The following ATP11B variants were observed in gnomAD, a reference collection of about 807,000 sequenced individuals.
The protein encoded by ATP11B is phospholipid-transporting ATPase IF.
A neutral mutation model predicts 157.8 loss-of-function variants in ATP11B; 81 were observed. The observed-to-expected ratio is 0.51, with a 90% confidence interval of 0.43 to 0.62. The LOEUF (loss-of-function observed/expected upper bound fraction) is 0.62, where lower values mean the gene tolerates loss of function less well. Ranked by LOEUF, ATP11B falls within the 20% of genes least tolerant of loss-of-function variation. The probability of loss-of-function intolerance (pLI) is 0.00; values close to 1 mark genes in which losing one functional copy is unlikely to be tolerated. For synonymous variants in ATP11B, 451 were observed against 469.4 expected (o/e 0.96, Z 0.51); for missense variants, 1,165 against 1,402.2 (o/e 0.83, Z 2.70).
intron 17 of ATP11B, 152 bp downstream of exon 17, chr3:182,869,483 C>CT (rs1721490410): frequency 1.8e-6 from 1 of 565,342 alleles, no homozygotes; most frequent in Non-Finnish European, 3.0e-6. Context: ...TGAAAACTGA[C>CT]TTTTAACGCA....
chr3:182,827,983 A>T, intron 2 of ATP11B, 137 bp from the exon 3 acceptor site: 1 of 369,074 alleles, frequency 2.7e-6, no homozygotes, highest in East Asian at 4.0e-5. Flanking sequence ...TAAAAGCCAG[A>T]TGGTTTCTGT....
intron 12 of ATP11B, among the ~76,000 whole-genome samples, chr3:182,865,245 T>C (rs534155170): frequency 5.9e-5 from 9 of 152,334 alleles, no homozygotes; most frequent in African/African-American, 2.2e-4. Context: ...TCAAAATCTA[T>C]GTAGCTTTAA....
At chr3:182,819,848 A>G (rs772881603) in intron 1 of ATP11B, among the ~76,000 whole-genome samples, 2 of 152,222 alleles carry the variant, frequency 1.3e-5, no homozygotes, top group Non-Finnish European at 2.9e-5. Context: ...AAATCCATCC[A>G]TAGAAATGAA....
Position 182,879,556 on chromosome 3 carries a change from T to G in ATP11B, c.2313T>G (p.Leu771=), listed in dbSNP as rs1180060073. The G allele has an allele frequency of 1.2e-6, 2 of 1,614,032 alleles. No homozygotes were observed. The highest frequency in any genetic ancestry group is 2.7e-5 in the African/African-American group (2 of 74,944). Residue 771 remains leucine, a synonymous_variant, in exon 20 of 30, where the codon CTT becomes CTG. Coordinates refer to ENST00000323116, the MANE Select transcript of ATP11B (RefSeq NM_014616.3). The part of the protein sequence containing the change: ...GLVVDGTSLS[L]ALREHEKLFM... ...TAGTGGATGGGACCAGCCTATCTCT[T>G]GCACTCAGGGAGCATGAAAAACTAT...
intron 25 of ATP11B, among the ~76,000 whole-genome samples, chr3:182,892,811 A>G (rs1723264401): frequency 6.6e-6 from 1 of 152,166 alleles, no homozygotes; most frequent in Non-Finnish European, 1.5e-5. Context: ...AGTTCCTGTC[A>G]TGTGTGTCTC....
intron 4 of ATP11B, among the ~76,000 whole-genome samples, chr3:182,831,349 A>G (rs1718124957): frequency 1.3e-5 from 2 of 152,216 alleles, no homozygotes; most frequent in Non-Finnish European, 2.9e-5. Flanking sequence ...TGTCTGGACA[A>G]TTGCATTCTT....
rs1271290166 is a variant in ATP11B, at chr3:182,872,539, T to G, written c.2048+2T>G. 6.3e-7 allele frequency: 1 copy of G among 1,593,540 alleles called. No homozygotes were observed. The highest frequency in any genetic ancestry group is 8.5e-7 in the Non-Finnish European group (1 of 1,172,450). ...TGGAGCCACAGCAGTAGAAGACAGGTAAGTATCAGATAATTAAAAAATATT... is the reference window on the plus strand; with the variant it reads ...TGGAGCCACAGCAGTAGAAGACAGGGAAGTATCAGATAATTAAAAAATATT... On this transcript the variant is annotated splice_donor_variant, in intron 18 of 29. Coordinates refer to ENST00000323116, the MANE Select transcript of ATP11B (RefSeq NM_014616.3). LOFTEE classifies it high-confidence loss of function.
chr3:182,817,463 T>C (rs1405219149), intron 1 of ATP11B, among the ~76,000 whole-genome samples: 2 of 152,142 alleles, frequency 1.3e-5, no homozygotes, highest in African/African-American at 2.4e-5. Flanking sequence ...TAATTTTTAG[T>C]AGAGACGGAG....
intron 19 of ATP11B, among the ~76,000 whole-genome samples, chr3:182,878,570 G>A (rs540176378): frequency 3.9e-4 from 59 of 152,354 alleles, no homozygotes; most frequent in Non-Finnish European, 8.2e-4. Context: ...ACATTCTGGT[G>A]TAGGCTCCTT....
intron 15 of ATP11B, 31 bp downstream of exon 15, chr3:182,867,475 C>G (rs770730592): frequency 7.0e-7 from 1 of 1,419,486 alleles, no homozygotes; most frequent in East Asian, 2.3e-5. Flanking sequence ...GGAATGTTTT[C>G]TGTGTTAAGT....
chr3:182,845,084 AAC>A (rs1719399083), intron 8 of ATP11B, among the ~76,000 whole-genome samples: 1 of 149,498 alleles, frequency 6.7e-6, no homozygotes, highest in African/African-American at 2.5e-5. Context: ...GGCTCACTGC[AAC>A]CTCCGCCTCC....
At position 182,793,803 on chromosome 3, in the gene ATP11B, C is replaced by A; in HGVS notation, c.27+17C>A. 7.3e-7 allele frequency: 1 copy of A among 1,364,770 alleles called. No homozygotes were observed. Among genetic ancestry groups the A allele is most frequent in the Non-Finnish European group, 9.5e-7 (1 of 1,050,858 alleles). 84.5% of individuals were successfully genotyped at this position (1,364,770 alleles called of 1,614,324 possible). On this transcript the variant is annotated intron_variant, in intron 1 of 29. Transcript: ENST00000323116. Reference sequence around the variant, plus strand: ...CAGCAGCTGGTAGGTGCCCCCGCCCCTCCACCTCCATTCGTCCGCCCCCGC... The same window carrying A: ...CAGCAGCTGGTAGGTGCCCCCGCCCATCCACCTCCATTCGTCCGCCCCCGC...
rs1239216672 is a variant in ATP11B at position 182,901,416 on chromosome 3, G to C, written c.3318+2644G>C. Among the ~76,000 whole-genome samples, 3 of 151,026 alleles carry C rather than the reference G, an allele frequency of 2.0e-5. No individual in the cohort carries two copies. In the East Asian group the frequency reaches 5.8e-4, roughly 29 times the overall value. On this transcript the variant is annotated intron_variant, in intron 28 of 29. Coordinates refer to ENST00000323116, the MANE Select transcript of ATP11B (RefSeq NM_014616.3). The stretch of plus-strand genomic sequence containing the variant: ...AGGTTCAGTATCCTTTATCCAAAGT[G>C]CTTGTTTCGGATTTCAGATTGTTTA...
intron 2 of ATP11B, among the ~76,000 whole-genome samples, chr3:182,823,864 G>C (rs1164821109): frequency 6.6e-6 from 1 of 151,730 alleles, no homozygotes; most frequent in Non-Finnish European, 1.5e-5. Flanking sequence ...TTTACATACA[G>C]TAAAATTTAT....
chr3:182,910,369 A>C (rs970442702), intron 28 of ATP11B, among the ~76,000 whole-genome samples: 2 of 151,986 alleles, frequency 1.3e-5, no homozygotes, highest in African/African-American at 2.4e-5. Flanking sequence ...GGAGGCCAGG[A>C]GTTTGAGACC....
chr3:182,818,183 G>C (rs1356373167), intron 1 of ATP11B, among the ~76,000 whole-genome samples: 1 of 152,186 alleles, frequency 6.6e-6, no homozygotes, highest in Non-Finnish European at 1.5e-5. Context: ...TTGTGGAGTG[G>C]ATGCTGAATA....
At chr3:182,820,996 A>G (rs1350804399) in intron 2 of ATP11B, among the ~76,000 whole-genome samples, 1 of 152,218 alleles carries the variant, frequency 6.6e-6, no homozygotes, top group Non-Finnish European at 1.5e-5. Flanking sequence ...TATTTTACAA[A>G]GCAGTGTTAT....
chr3:182,851,705 T>G (rs1719992100), intron 10 of ATP11B, among the ~76,000 whole-genome samples: 1 of 152,116 alleles, frequency 6.6e-6, no homozygotes. Context: ...AAATGTTTGG[T>G]AAACACAGTA....
chr3:182,871,217 GAGCCCAGGAGTTC>G (rs1175231192), intron 17 of ATP11B, among the ~76,000 whole-genome samples: 1 of 152,016 alleles, frequency 6.6e-6, no homozygotes, highest in African/African-American at 2.4e-5. Context: ...AGGATCACTT[GAGCCCAGGAGTTC>G]AAGGCTATAG....
Sources: allele counts gnomAD v4.1 joint callset (sites outside exome capture counted in the v4.1 genomes callset), GRCh38; gene constraint gnomAD v4.1.1; transcripts MANE v1.5; gene names NCBI Gene and HGNC (gene_info 2026-07-23, HGNC 2026-07-21).